NAALADL2: variants seen among roughly 807,000 people sequenced by gnomAD.
NAALADL2 encodes inactive N-acetylated-alpha-linked acidic dipeptidase-like protein 2.
A neutral mutation model predicts 87.2 loss-of-function variants in NAALADL2; 76 were observed. The observed-to-expected ratio is 0.87, with a 90% CI of 0.72 to 1.05. The LOEUF (loss-of-function observed/expected upper bound fraction) is 1.05. Among genes scored for constraint, NAALADL2 ranks in the 50% least tolerant of loss-of-function variants. The pLI is 0.00. For missense variants in NAALADL2, 1,089 were observed against 945.8 expected (o/e 1.15, Z -1.99); for synonymous variants, 354 against 331.0 (o/e 1.07, Z -0.75).
intron 1 of NAALADL2, among the ~76,000 whole-genome samples, chr3:174,925,715 G>A (rs1419272115): frequency 6.6e-6 from 1 of 152,098 alleles, no homozygotes; most frequent in East Asian, 1.9e-4. Flanking sequence ...AACATGGAAT[G>A]TTCTTCCATT....
chr3:175,345,173 A>ATATT (rs1763017586), intron 5 of NAALADL2, among the ~76,000 whole-genome samples: 1 of 152,200 alleles, frequency 6.6e-6, no homozygotes, highest in African/African-American at 2.4e-5. Context: ...AGTCAGTTAT[A>ATATT]TATTATTGTC....
chr3:175,134,469 A>G (rs1580636832), intron 2 of NAALADL2, among the ~76,000 whole-genome samples: 1 of 152,304 alleles, frequency 6.6e-6, no homozygotes, highest in African/African-American at 2.4e-5. Context: ...TGTAGCTTAA[A>G]AATGGAAAAC....
intron 9 of NAALADL2, among the ~76,000 whole-genome samples, chr3:175,494,201 T>C (rs73045066): frequency 0.1 from 15,485 of 152,078 alleles, 978 homozygotes; most frequent in African/African-American, 0.17. Flanking sequence ...ACCTGATTTT[T>C]ACTTAATATA....
intron 3 of NAALADL2, among the ~76,000 whole-genome samples, chr3:174,833,335 C>T (rs1161776300): frequency 6.6e-6 from 1 of 152,062 alleles, no homozygotes; most frequent in African/African-American, 2.4e-5. Context: ...CTGAAGGACA[C>T]ATACTATCAA....
chr3:175,755,303 C>T lies in NAALADL2; in HGVS notation c.2074C>T (p.Arg692Ter). The T allele has an allele frequency of 1.9e-6, 3 of 1,613,510 alleles. No homozygotes were observed. The highest frequency in any genetic ancestry group is 1.1e-5 in the South Asian group (1 of 90,988). ...SAELFQSDEM[R>*]PANDPKERAP... The stretch of plus-strand genomic sequence containing the variant: ...TGAACTTTTTCAGTCTGATGAGATG[C>T]GACCTGCTAATGATCCCAAGGAGAG... Residue 692 changes from arginine (R) to a stop codon, truncating the protein, a stop_gained, in exon 13 of 14, where the codon CGA (arginine) becomes TGA (stop). Transcript: ENST00000454872. LOFTEE classifies it high-confidence loss of function.
intron 3 of NAALADL2, among the ~76,000 whole-genome samples, chr3:175,251,236 A>G (rs776891577): frequency 2.0e-5 from 3 of 152,192 alleles, no homozygotes; most frequent in Non-Finnish European, 4.4e-5. Flanking sequence ...CTTTTTTAAC[A>G]TAGAATAAGA....
intron 3 of NAALADL2, among the ~76,000 whole-genome samples, chr3:174,755,508 A>T (rs1036600735): frequency 6.6e-6 from 1 of 151,962 alleles, no homozygotes; most frequent in African/African-American, 2.4e-5. Flanking sequence ...TAATAAATAT[A>T]CTCTTTAATA....
At chr3:175,365,187 A>T (rs1238465959) in intron 5 of NAALADL2, among the ~76,000 whole-genome samples, 1 of 147,564 alleles carries the variant, frequency 6.8e-6, no homozygotes. Context: ...TATACTGTAA[A>T]CATTTTCAAT....
At position 174,585,381 on chromosome 3, in the gene NAALADL2, C is replaced by A. The variant is rs540376782; in HGVS notation, c.-115+34744C>A. Among the ~76,000 whole-genome samples, 3 of 151,906 alleles carry A rather than the reference C, an allele frequency of 2.0e-5. No individual in the cohort carries two copies. The South Asian group carries it at 6.2e-4, about 32-fold the overall frequency. ...CTGAAGCATAAAACCTTTGTGTTAA[C>A]CTTAAAGAAAAAAAATAGTTATCAG... On this transcript the variant is annotated intron_variant, in intron 2 of 3. Transcript: ENST00000434257.
At chr3:175,316,903 T>C (rs1488517792) in intron 4 of NAALADL2, among the ~76,000 whole-genome samples, 1 of 152,146 alleles carries the variant, frequency 6.6e-6, no homozygotes, top group Non-Finnish European at 1.5e-5. Flanking sequence ...AGTGTCTTTA[T>C]TTCTAAATTA....
At chr3:174,469,816 C>A (rs929975839) in intron 1 of NAALADL2, among the ~76,000 whole-genome samples, 1 of 152,068 alleles carries the variant, frequency 6.6e-6, no homozygotes, top group Non-Finnish European at 1.5e-5. Flanking sequence ...AATTCTAAGA[C>A]ATATCAGTTC....
intron 3 of NAALADL2, among the ~76,000 whole-genome samples, chr3:174,836,989 T>C (rs1579137136): frequency 6.6e-6 from 1 of 152,194 alleles, no homozygotes; most frequent in East Asian, 1.9e-4. Context: ...ATCTCTGGCA[T>C]ACAGCAAAGG....
chr3:174,914,524 T>C (rs1734119473), intron 1 of NAALADL2, among the ~76,000 whole-genome samples: 1 of 152,174 alleles, frequency 6.6e-6, no homozygotes, highest in Admixed American at 6.6e-5. Context: ...TTGAGCCCCA[T>C]TTTCCTATAA....
At chr3:174,684,839 T>C (rs1727878198) in intron 2 of NAALADL2, among the ~76,000 whole-genome samples, 1 of 152,092 alleles carries the variant, frequency 6.6e-6, no homozygotes, top group Admixed American at 6.6e-5. Context: ...AGCTATATTA[T>C]ATTTAACAAC....
intron 3 of NAALADL2, among the ~76,000 whole-genome samples, chr3:175,240,679 G>A (rs773365670): frequency 1.3e-5 from 2 of 152,144 alleles, no homozygotes; most frequent in African/African-American, 2.4e-5. Context: ...TTTTGAGATG[G>A]AGTTTCGCTC....
intron 3 of NAALADL2, among the ~76,000 whole-genome samples, chr3:174,825,797 G>T (rs1300868085): frequency 2.0e-5 from 3 of 152,172 alleles, no homozygotes; most frequent in Non-Finnish European, 4.4e-5. Flanking sequence ...GGAGGCCGAG[G>T]TGGGCAGATA....
chr3:174,665,408 T>C (rs941551298), intron 2 of NAALADL2, among the ~76,000 whole-genome samples: 2 of 152,176 alleles, frequency 1.3e-5, no homozygotes, highest in Non-Finnish European at 2.9e-5. Context: ...GCATGCAACC[T>C]CAGCTCTAAT....
intron 5 of NAALADL2, among the ~76,000 whole-genome samples, chr3:175,365,565 G>A (rs111272218): frequency 5.4e-5 from 8 of 147,430 alleles, no homozygotes; most frequent in African/African-American, 2.0e-4. Context: ...ATTAGATTTT[G>A]TGGATTTTTC....
intron 1 of NAALADL2, among the ~76,000 whole-genome samples, chr3:174,548,900 C>T (rs1282300968): frequency 6.6e-6 from 1 of 152,178 alleles, no homozygotes; most frequent in Non-Finnish European, 1.5e-5. Context: ...AGTGCAGTGG[C>T]ACGATCACAG....
Sources: gnomAD v4.1 joint callset for allele counts (sites outside exome capture counted in the v4.1 genomes callset) on GRCh38, gnomAD v4.1.1 for gene constraint, MANE v1.5 for transcripts, NCBI Gene and HGNC (gene_info 2026-07-23, HGNC 2026-07-21) for gene names.